Variants in LTBP1 observed in about 807,000 individuals in gnomAD.
The protein encoded by LTBP1 is latent-transforming growth factor beta-binding protein 1.
A neutral mutation model predicts 207.6 loss-of-function variants in LTBP1; 129 were observed. The observed-to-expected ratio is 0.62, with a 90% CI of 0.54 to 0.72. LTBP1 has a LOEUF of 0.72. LTBP1 is among the 30% of genes least tolerant of loss of function. LTBP1 has a pLI of 0.00. For missense variants in LTBP1, 2,281 were observed against 2,217.2 expected, an observed-to-expected ratio of 1.03 and a Z score of -0.58; for synonymous variants, 963 against 833.7, an observed-to-expected ratio of 1.16 and a Z score of -2.67.
chr2:32,956,523 T>A (rs1426508745), intron 2 of LTBP1, among the ~76,000 whole-genome samples: 1 of 152,208 alleles, frequency 6.6e-6, no homozygotes, highest in Admixed American at 6.5e-5. Context: ...TTCAGTCCCA[T>A]CTTCAGGCTC....
At chr2:33,186,341 AT>A (rs1290436347) in intron 5 of LTBP1, among the ~76,000 whole-genome samples, 1 of 152,206 alleles carries the variant, frequency 6.6e-6, no homozygotes, top group Non-Finnish European at 1.5e-5. Flanking sequence ...GCAATGCGTA[AT>A]CACATCATGG....
chr2:33,208,780 A>C (rs535321026), intron 7 of LTBP1, among the ~76,000 whole-genome samples: 1 of 151,990 alleles, frequency 6.6e-6, no homozygotes, highest in Non-Finnish European at 1.5e-5. Context: ...TAACATCCAG[A>C]GAGGTAGATC....
chr2:33,370,837 T>G (rs1468307056), intron 31 of LTBP1, among the ~76,000 whole-genome samples: 1 of 152,100 alleles, frequency 6.6e-6, no homozygotes, highest in East Asian at 1.9e-4. Context: ...CTGGAGGAAT[T>G]TAAGGAATAA....
chr2:33,007,413 G>A (rs910936062), intron 2 of LTBP1, among the ~76,000 whole-genome samples: 1 of 152,146 alleles, frequency 6.6e-6, no homozygotes, highest in African/African-American at 2.4e-5. Flanking sequence ...AAATCAAATG[G>A]TAATTTTAAA....
At chr2:33,042,377 A>G (rs2149418491) in intron 3 of LTBP1, among the ~76,000 whole-genome samples, 1 of 152,330 alleles carries the variant, frequency 6.6e-6, no homozygotes, top group Admixed American at 6.5e-5. Context: ...GGCAAGAGTG[A>G]TGAAGATGAG....
intron 18 of LTBP1, among the ~76,000 whole-genome samples, chr2:33,276,375 T>C (rs942638295): frequency 6.6e-6 from 1 of 152,232 alleles, no homozygotes; most frequent in African/African-American, 2.4e-5. Flanking sequence ...AGAAGCATGG[T>C]CTGACAAACT....
At chr2:32,991,090 G>A (rs867062658) in intron 2 of LTBP1, among the ~76,000 whole-genome samples, 1 of 152,134 alleles carries the variant, frequency 6.6e-6, no homozygotes, top group East Asian at 1.9e-4. Context: ...AGAAGAAAGT[G>A]CCGATTTTCC....
chr2:33,235,023 T>C (rs2091974027), intron 9 of LTBP1, among the ~76,000 whole-genome samples: 1 of 152,032 alleles, frequency 6.6e-6, no homozygotes, highest in African/African-American at 2.4e-5. Context: ...CCAAAAGCAA[T>C]GGCAAAAAAA....
chr2:33,331,852 T>G (rs1177911034), intron 24 of LTBP1, among the ~76,000 whole-genome samples: 2 of 152,108 alleles, frequency 1.3e-5, no homozygotes, highest in Admixed American at 1.3e-4. Context: ...TTATGTGTAT[T>G]TTTTTGTTTT....
chr2:33,060,188 A>ACT (rs10632090), intron 3 of LTBP1, among the ~76,000 whole-genome samples: 134,518 of 152,080 alleles, frequency 0.88, 61,586 homozygotes, highest in East Asian at 1. Flanking sequence ...AAGTTAGCTT[A>ACT]CTCTGTTGCA....
intron 18 of LTBP1, among the ~76,000 whole-genome samples, chr2:33,277,358 G>C (rs1386146363): frequency 6.6e-6 from 1 of 152,142 alleles, no homozygotes; most frequent in Non-Finnish European, 1.5e-5. Context: ...TCTCCACGCT[G>C]CTCTTCCAGG....
intron 26 of LTBP1, among the ~76,000 whole-genome samples, chr2:33,354,155 G>A (rs998722800): frequency 2.0e-5 from 3 of 152,052 alleles, no homozygotes; most frequent in African/African-American, 7.2e-5. Context: ...GAGCCACCGC[G>A]CTCGGCCGTG....
At chr2:32,987,568 A>G (rs553454983) in intron 2 of LTBP1, among the ~76,000 whole-genome samples, 1 of 152,278 alleles carries the variant, frequency 6.6e-6, no homozygotes, top group African/African-American at 2.4e-5. Flanking sequence ...GGGCAATTAT[A>G]TTACCCAAAA....
In LTBP1 at chr2:33,182,428, C is replaced by T. The variant is rs189601721; in HGVS notation, c.1202-4428C>T. ...CTGTAATCTCAGCACTTTGGGAGGC[C>T]GAGGTGGGCGGATGATGAAGTCAGG... On this transcript the variant is annotated intron_variant, in intron 5 of 33. Coordinates refer to ENST00000404816, the MANE Select transcript of LTBP1 (RefSeq NM_206943.4). 4.4e-3 allele frequency among the ~76,000 whole-genome samples: 667 copies of T among 151,626 alleles called. 5 individuals carry two copies. Among genetic ancestry groups the T allele is most frequent in the African/African-American group, 0.015 (632 of 41,270 alleles).
chr2:33,307,365 G>A (rs560450628), intron 22 of LTBP1, among the ~76,000 whole-genome samples: 2 of 152,250 alleles, frequency 1.3e-5, no homozygotes, highest in South Asian at 4.2e-4. Context: ...ATTCACAATG[G>A]CCCAGATGGA....
chr2:33,314,975 C>G (rs1474185570), intron 23 of LTBP1, among the ~76,000 whole-genome samples, 169 bp from the exon 24 acceptor site: 1 of 152,198 alleles, frequency 6.6e-6, no homozygotes, highest in Non-Finnish European at 1.5e-5. Flanking sequence ...AATAGTTTCT[C>G]TCTCATAACT....
intron 2 of LTBP1, among the ~76,000 whole-genome samples, chr2:32,977,019 A>C (rs918188399): frequency 6.6e-6 from 1 of 152,188 alleles, no homozygotes; most frequent in Non-Finnish European, 1.5e-5. Context: ...TCTGCCTACC[A>C]GTGGTGGAGG....
intron 3 of LTBP1, chr2:33,056,610 G>A: frequency 3.5e-6 from 1 of 288,016 alleles, no homozygotes; most frequent in Admixed American, 5.3e-5. Flanking sequence ...AGTTCTTAAA[G>A]GTGGCGTGTC....
At chr2:33,372,690 G>A (rs549208109) in intron 31 of LTBP1, among the ~76,000 whole-genome samples, 62 of 152,028 alleles carry the variant, frequency 4.1e-4, no homozygotes, top group African/African-American at 8.5e-4. Context: ...CCTGGCCAAC[G>A]TGGTGAAACC....
Sources: allele counts gnomAD v4.1 joint callset (sites outside exome capture counted in the v4.1 genomes callset), GRCh38; gene constraint gnomAD v4.1.1; transcripts MANE v1.5; gene names NCBI Gene and HGNC (gene_info 2026-07-23, HGNC 2026-07-21).